Variants in PPME1 observed in about 807,000 individuals in gnomAD.
PPME1 encodes testicular secretory protein Li 39.
A neutral mutation model predicts 56.9 loss-of-function variants in PPME1; 17 were observed. That is an observed-to-expected ratio of 0.30 (90% CI 0.20 to 0.45). The LOEUF is 0.45. PPME1 is among the 20% of genes least tolerant of loss of function. PPME1 has a pLI of 1.00. For synonymous variants in PPME1, 122 were observed against 156.2 expected (o/e 0.78, Z 1.63); for missense variants, 357 against 483.2 (o/e 0.74, Z 2.45).
intron 11 of PPME1, chr11:74,248,626 G>A (rs1186631430): frequency 2.0e-5 from 3 of 152,050 alleles, no homozygotes; most frequent in African/African-American, 7.2e-5. Flanking sequence ...CACTGATGTT[G>A]GTAATTATGG....
chr11:74,216,688 CAAAAT>C (rs1858654418), intron 3 of PPME1, among the ~76,000 whole-genome samples: 1 of 151,842 alleles, frequency 6.6e-6, no homozygotes, highest in Non-Finnish European at 1.5e-5. Context: ...AAAAGATCAA[CAAAAT>C]AAAAAGTTGG....
chr11:74,181,092 C>T (rs369228789), intron 1 of PPME1, among the ~76,000 whole-genome samples: 1,719 of 139,136 alleles, frequency 0.012, 35 homozygotes, highest in African/African-American at 0.044. Context: ...GGTCGGACTG[C>T]GGACTGCAGT....
intron 11 of PPME1, chr11:74,248,085 C>G (rs942561447): frequency 1.3e-5 from 2 of 152,382 alleles, no homozygotes; most frequent in South Asian, 2.1e-4. Flanking sequence ...GCACTGTATA[C>G]AGATGCATGT....
At chr11:74,211,362 A>T (rs879857727) in intron 3 of PPME1, among the ~76,000 whole-genome samples, 1 of 152,312 alleles carries the variant, frequency 6.6e-6, no homozygotes, top group South Asian at 2.1e-4. Context: ...AAAAAGAGCA[A>T]TCTGGTCTTT....
At chr11:74,180,374 C>T (rs1448828832) in intron 1 of PPME1, among the ~76,000 whole-genome samples, 2 of 152,162 alleles carry the variant, frequency 1.3e-5, no homozygotes, top group Non-Finnish European at 2.9e-5. Context: ...TCCTTTAGTG[C>T]TAACTGAACG....
At chr11:74,192,312 G>T (rs1275880383) in intron 1 of PPME1, among the ~76,000 whole-genome samples, 1 of 152,146 alleles carries the variant, frequency 6.6e-6, no homozygotes, top group African/African-American at 2.4e-5. Flanking sequence ...TTTACCCAAT[G>T]CATGTACCAC....
chr11:74,193,233 T>G (rs900080238), intron 1 of PPME1, among the ~76,000 whole-genome samples: 4 of 152,266 alleles, frequency 2.6e-5, no homozygotes, highest in African/African-American at 9.6e-5. Context: ...CAATCAGGAA[T>G]GATGGTGATG....
At chr11:74,244,698 T>A (rs1412445795) in intron 9 of PPME1, among the ~76,000 whole-genome samples, 1 of 152,194 alleles carries the variant, frequency 6.6e-6, no homozygotes, top group Non-Finnish European at 1.5e-5. Flanking sequence ...TTGCAAAGAT[T>A]TTCTCCCATT....
intron 13 of PPME1, 25 bp from the exon 14 acceptor site, chr11:74,253,467 T>G (rs148252173): frequency 6.3e-7 from 1 of 1,599,544 alleles, no homozygotes; most frequent in Non-Finnish European, 8.6e-7. Flanking sequence ...CATTTGTTTT[T>G]CCTTCTCTTT....
chr11:74,182,277 A>G (rs1412410521), intron 1 of PPME1, among the ~76,000 whole-genome samples: 1 of 152,178 alleles, frequency 6.6e-6, no homozygotes, highest in African/African-American at 2.4e-5. Context: ...TAGAAATATT[A>G]TTTAAATTGG....
chr11:74,227,214 C>T, intron 5 of PPME1, among the ~76,000 whole-genome samples: 1 of 152,254 alleles, frequency 6.6e-6, no homozygotes, highest in Admixed American at 6.5e-5. Context: ...TAGCACCCTC[C>T]ATTAACATAG....
At chr11:74,174,139 C>T (rs570925591) in intron 1 of PPME1, among the ~76,000 whole-genome samples, 1 of 152,094 alleles carries the variant, frequency 6.6e-6, no homozygotes. Flanking sequence ...TTCACCACTT[C>T]ATGTAGTTGA....
At chr11:74,203,600 T>C in intron 1 of PPME1, 128 bp from the exon 2 acceptor site, 3 of 539,186 alleles carry the variant, frequency 5.6e-6, no homozygotes, top group Non-Finnish European at 9.5e-6. Flanking sequence ...TGTGATGAAC[T>C]CTTTATATCT....
At position 74,181,030 on chromosome 11, in the gene PPME1, CTTTTTTTTTTT is replaced by C. The variant is rs1005872237; in HGVS notation, c.101+9523_101+9533del. Among the ~76,000 whole-genome samples, 947 of 96,220 alleles carry C rather than the reference CTTTTTTTTTTT, an allele frequency of 9.8e-3. 26 individuals are homozygous for C. The highest frequency in any genetic ancestry group is 0.038 in the African/African-American group (891 of 23,380). The allele number at this position is 96,220 out of a possible 152,430, so 63.1% of individuals were successfully genotyped here. On this transcript the variant is annotated intron_variant, in intron 1 of 13. Coordinates refer to ENST00000328257, the MANE Select transcript of PPME1 (RefSeq NM_016147.3). ...TTGGCAATGCCTTCCATTTTCTTCA[CTTTTTTTTTTT>C]TTTTTTTTTTTTTTGAGACGGAGTC...
At chr11:74,209,706 T>C (rs986259110) in intron 3 of PPME1, among the ~76,000 whole-genome samples, 1 of 152,226 alleles carries the variant, frequency 6.6e-6, no homozygotes, top group Non-Finnish European at 1.5e-5. Flanking sequence ...CTTATATTAC[T>C]CAATTCTAAA....
At chr11:74,204,146 A>ATG (rs113525320) in intron 2 of PPME1, among the ~76,000 whole-genome samples, 15,175 of 143,232 alleles carry the variant, frequency 0.11, 1,985 homozygotes, top group African/African-American at 0.32. Flanking sequence ...GGCAAAGGGA[A>ATG]TTTTTTTTTT....
chr11:74,195,556 G>T (rs1857959124), intron 1 of PPME1, among the ~76,000 whole-genome samples: 1 of 152,098 alleles, frequency 6.6e-6, no homozygotes, highest in Non-Finnish European at 1.5e-5. Context: ...TTATAGACAT[G>T]TGTCTACAAA....
At chr11:74,239,703 T>C (rs906815985) in intron 9 of PPME1, among the ~76,000 whole-genome samples, 2 of 150,812 alleles carry the variant, frequency 1.3e-5, no homozygotes, top group Non-Finnish European at 3.0e-5. Context: ...CAGCCTCCCA[T>C]GTAGCTGGGA....
At chr11:74,246,251 C>A in intron 10 of PPME1, 46 bp downstream of exon 10, 2 of 1,487,914 alleles carry the variant, frequency 1.3e-6, no homozygotes, top group South Asian at 1.3e-5. Context: ...CTGCCATAAC[C>A]AAATATCATA....
Sources: gnomAD v4.1 joint callset for allele counts (sites outside exome capture counted in the v4.1 genomes callset) on GRCh38, gnomAD v4.1.1 for gene constraint, MANE v1.5 for transcripts, NCBI Gene and HGNC (gene_info 2026-07-23, HGNC 2026-07-21) for gene names.